Variants in CTNND2 observed in about 807,000 individuals in gnomAD.
The protein encoded by CTNND2 is catenin delta-2.
A neutral mutation model predicts 144.4 loss-of-function variants in CTNND2; 22 were observed. The observed-to-expected ratio is 0.15, with a 90% CI of 0.11 to 0.22. The LOEUF (loss-of-function observed/expected upper bound fraction) is 0.22, where lower values mean the gene tolerates loss of function less well. CTNND2 is among the 10% of genes least tolerant of loss of function. The pLI, the probability that CTNND2 is intolerant of heterozygous loss-of-function variation, is 1.00. For synonymous variants in CTNND2, 751 were observed against 695.6 expected (o/e 1.08, Z -1.25); for missense variants, 1,353 against 1,618.8 (o/e 0.84, Z 2.82).
intron 1 of CTNND2, among the ~76,000 whole-genome samples, chr5:11,847,812 C>T (rs939783735): frequency 6.6e-6 from 1 of 151,796 alleles, no homozygotes; most frequent in Non-Finnish European, 1.5e-5. Flanking sequence ...CTATGTGAAA[C>T]AATGTGGAAA....
intron 3 of CTNND2, among the ~76,000 whole-genome samples, chr5:11,414,529 A>T (rs1164076883): frequency 1.3e-5 from 2 of 152,192 alleles, no homozygotes; most frequent in East Asian, 1.9e-4. Flanking sequence ...AATGTTGAAA[A>T]ACTTGGCCAA....
At chr5:11,199,269 C>T (rs911531045) in intron 11 of CTNND2, among the ~76,000 whole-genome samples, 179 bp downstream of exon 11, 9 of 152,138 alleles carry the variant, frequency 5.9e-5, no homozygotes, top group Admixed American at 3.9e-4. Flanking sequence ...AATATGAATC[C>T]ATGCATGTCA....
At chr5:11,526,017 C>A (rs1045673804) in intron 3 of CTNND2, among the ~76,000 whole-genome samples, 4 of 152,206 alleles carry the variant, frequency 2.6e-5, no homozygotes, top group African/African-American at 4.8e-5. Context: ...GATTCTCCTG[C>A]CTCAGCCTCC....
chr5:11,430,579 T>G (rs905541853), intron 3 of CTNND2, among the ~76,000 whole-genome samples: 2 of 152,174 alleles, frequency 1.3e-5, no homozygotes, highest in African/African-American at 4.8e-5. Flanking sequence ...TGACTCAATT[T>G]TCCCCCACAG....
intron 3 of CTNND2, among the ~76,000 whole-genome samples, chr5:11,509,745 C>T (rs148967622): frequency 0.029 from 4,473 of 152,212 alleles, 104 homozygotes; most frequent in Non-Finnish European, 0.043. Flanking sequence ...ACTTCTCTTT[C>T]GGCAGAAATG....
At chr5:11,167,493 T>A (rs1193899270) in intron 11 of CTNND2, among the ~76,000 whole-genome samples, 2 of 152,212 alleles carry the variant, frequency 1.3e-5, no homozygotes, top group Non-Finnish European at 2.9e-5. Flanking sequence ...TACCTGGGTC[T>A]CCATGCAATG....
intron 2 of CTNND2, among the ~76,000 whole-genome samples, chr5:11,610,919 G>C (rs1258816753): frequency 6.6e-6 from 1 of 152,118 alleles, no homozygotes. Context: ...AGAAATAGAT[G>C]GTAATCTGGA....
intron 3 of CTNND2, among the ~76,000 whole-genome samples, chr5:11,424,661 TA>T (rs778178838): frequency 2.0e-5 from 3 of 151,450 alleles, no homozygotes; most frequent in Non-Finnish European, 4.4e-5. Context: ...TATTTCAAAA[TA>T]AAAAAGCAAA....
intron 9 of CTNND2, among the ~76,000 whole-genome samples, chr5:11,293,541 C>T (rs915259062): frequency 7.2e-5 from 11 of 151,848 alleles, no homozygotes; most frequent in Non-Finnish European, 1.6e-4. Flanking sequence ...ATGGTATTAC[C>T]CTTGTTAAAA....
chr5:11,893,937 C>T (rs2126308510), intron 1 of CTNND2, among the ~76,000 whole-genome samples: 1 of 152,302 alleles, frequency 6.6e-6, no homozygotes, highest in East Asian at 1.9e-4. Flanking sequence ...AACTTTGTAA[C>T]TCACTAAGTA....
rs562892961 is a variant in CTNND2, at chr5:11,412,421, A to C, written c.288-352T>G. ...GTTATTTTAGAATAGGATCATGTAG[A>C]CTTTGTAAGGTAGCCTAATAAGGAA... On this transcript the variant is annotated intron_variant, in intron 3 of 21. Transcript: ENST00000304623. Among the ~76,000 whole-genome samples the C allele has an allele frequency of 2.0e-5, 3 of 152,294 alleles. 1 individual carries two copies. The highest frequency in any genetic ancestry group is 7.2e-5 in the African/African-American group (3 of 41,566).
chr5:11,556,956 CT>C (rs1776282719), intron 3 of CTNND2, among the ~76,000 whole-genome samples: 1 of 152,138 alleles, frequency 6.6e-6, no homozygotes, highest in Admixed American at 6.5e-5. Context: ...TAAACCATCA[CT>C]CCACTCCAGA....
At chr5:11,107,487 T>C (rs1033803231) in intron 14 of CTNND2, among the ~76,000 whole-genome samples, 5 of 152,208 alleles carry the variant, frequency 3.3e-5, no homozygotes, top group African/African-American at 9.7e-5. Flanking sequence ...CCAATACCGA[T>C]ATCCTGAAAA....
chr5:11,806,083 G>A (rs758302176), intron 1 of CTNND2, among the ~76,000 whole-genome samples: 2 of 152,120 alleles, frequency 1.3e-5, no homozygotes, highest in African/African-American at 2.4e-5. Context: ...GAGTCAAGAG[G>A]AGCCTAAGGA....
At chr5:11,352,085 A>T (rs1343997063) in intron 8 of CTNND2, among the ~76,000 whole-genome samples, 1 of 152,208 alleles carries the variant, frequency 6.6e-6, no homozygotes, top group Non-Finnish European at 1.5e-5. Flanking sequence ...AAAAATACTC[A>T]AGGGTAAATT....
At chr5:11,712,462 C>T (rs1786086277) in intron 2 of CTNND2, among the ~76,000 whole-genome samples, 1 of 152,080 alleles carries the variant, frequency 6.6e-6, no homozygotes, top group Non-Finnish European at 1.5e-5. Flanking sequence ...ACTAACAACA[C>T]TGAGACATCA....
intron 10 of CTNND2, among the ~76,000 whole-genome samples, chr5:11,212,832 C>T (rs890514632): frequency 6.6e-6 from 1 of 152,022 alleles, no homozygotes; most frequent in Non-Finnish European, 1.5e-5. Context: ...AGACAGGGAG[C>T]GTGGGGGATG....
intron 12 of CTNND2, among the ~76,000 whole-genome samples, chr5:11,127,891 T>G (rs1346381200): frequency 6.6e-6 from 1 of 152,034 alleles, no homozygotes; most frequent in Non-Finnish European, 1.5e-5. Flanking sequence ...GGACTGTGGA[T>G]GGAATGAAAG....
At chr5:11,243,041 T>G (rs965438286) in intron 9 of CTNND2, among the ~76,000 whole-genome samples, 1 of 152,222 alleles carries the variant, frequency 6.6e-6, no homozygotes, top group Non-Finnish European at 1.5e-5. Context: ...TTAAAATCTA[T>G]GTAATACCGC....
Sources: allele counts gnomAD v4.1 joint callset (sites outside exome capture counted in the v4.1 genomes callset), GRCh38; gene constraint gnomAD v4.1.1; transcripts MANE v1.5; gene names NCBI Gene and HGNC (gene_info 2026-07-23, HGNC 2026-07-21).